The following KDM5A variants were observed in gnomAD, a reference collection of about 807,000 sequenced individuals.
KDM5A encodes the protein lysine demethylase 5A, also known as lysine-specific demethylase 5A.
In KDM5A, 42 loss-of-function variants were observed where a neutral mutation model predicts 193.5. The ratio of observed to expected loss-of-function variants is 0.22; its 90% CI spans 0.17 to 0.28. The LOEUF is 0.28. Among genes scored for constraint, KDM5A ranks in the 10% least tolerant of loss-of-function variants. The probability of loss-of-function intolerance (pLI) is 1.00; values close to 1 mark genes in which losing one functional copy is unlikely to be tolerated. For synonymous variants in KDM5A, 796 were observed against 718.1 expected (o/e 1.11, Z -1.73); for missense variants, 1,692 against 2,055.1 (o/e 0.82, Z 3.42).
At chr12:349,711 T>TC (rs1555135750) in intron 10 of KDM5A, among the ~76,000 whole-genome samples, 2 of 149,360 alleles carry the variant, frequency 1.3e-5, no homozygotes, top group African/African-American at 5.0e-5. Context: ...TTTTTTTTTT[T>TC]CCTTTTTTTT....
intron 13 of KDM5A, among the ~76,000 whole-genome samples, chr12:330,969 A>C (rs1351486224): frequency 1.3e-5 from 2 of 152,170 alleles, no homozygotes; most frequent in African/African-American, 4.8e-5. Context: ...CAGCCACTAA[A>C]TACTTTTTGA....
chr12:283,335 GTTAA>G lies in KDM5A; in HGVS notation c.*2117_*2120del, dbSNP rs752404572. 6.5e-5 allele frequency: 15 copies of G among 232,186 alleles called. No homozygotes were observed. Among genetic ancestry groups the G allele is most frequent in the Non-Finnish European group, 1.3e-4 (15 of 117,244 alleles). The allele number at this position is 232,186 out of a possible 1,614,324, so 14.4% of individuals were successfully genotyped here. A position where few individuals can be genotyped will look rare whatever the true frequency, so the allele number is the denominator to read the frequency against. On this transcript the variant is annotated 3_prime_UTR_variant, in exon 28 of 28. Transcript: ENST00000399788. ...GGCAAAACGAAAACTTATGAAATCA[GTTAA>G]TTAGTTACCTTGCAATATCCATTGA... is the stretch of plus-strand genomic sequence containing the variant.
intron 3 of KDM5A, among the ~76,000 whole-genome samples, chr12:370,182 C>A (rs748798095): frequency 6.6e-6 from 1 of 152,150 alleles, no homozygotes; most frequent in African/African-American, 2.4e-5. Flanking sequence ...CACCTGAGGT[C>A]GAGAGTTCGA....
chr12:351,872 G>A (rs1944164163), intron 9 of KDM5A, among the ~76,000 whole-genome samples: 1 of 152,018 alleles, frequency 6.6e-6, no homozygotes, highest in Admixed American at 6.6e-5. Flanking sequence ...GGGAGGCCGA[G>A]GCGAGTGGAT....
rs989737609 is a variant in KDM5A, at chr12:296,106, G to C, written c.4235-313C>G. On this transcript the variant is annotated intron_variant, in intron 25 of 27. Coordinates refer to ENST00000399788, the MANE Select transcript of KDM5A (RefSeq NM_001042603.3). Reference sequence around the variant, plus strand: ...GGCTGAGGCGGGTGGATCACCTGAGGTCAGGAGTTCGAAACCAGCCTGACC... The same window carrying C: ...GGCTGAGGCGGGTGGATCACCTGAGCTCAGGAGTTCGAAACCAGCCTGACC... 2.0e-5 allele frequency among the ~76,000 whole-genome samples: 3 copies of C among 151,988 alleles called. No homozygotes were observed. In the South Asian group the frequency reaches 6.2e-4, roughly 32 times the overall value.
Position 292,865 on chromosome 12 carries a change from T to C in KDM5A, c.4760A>G (p.Lys1587Arg), listed in dbSNP as rs1420917383. 6.2e-7 allele frequency: 1 copy of C among 1,614,106 alleles called. No homozygotes were observed. Among genetic ancestry groups the C allele is most frequent in the Admixed American group, 1.7e-5 (1 of 60,032 alleles). Residue 1587 changes from lysine to arginine, a missense_variant, in exon 27 of 28, where the codon AAG becomes AGG. Lys to Arg is a conservative substitution (Grantham distance 26, BLOSUM62 2). Around this residue, in one of 11 missense-constraint regions of KDM5A, gnomAD observed 965 missense variants for 1,061.0 expected, o/e 0.91. Coordinates refer to ENST00000399788, the MANE Select transcript of KDM5A (RefSeq NM_001042603.3). ...ATACTTTGAGGGGATGTCCAGCACC[T>C]TTTTCTCTCTTTTCTTTTCAGTGCT... is the stretch of plus-strand genomic sequence containing the variant. ...KESTEKKREK[K>R]VLDIPSKYDW... is the part of the protein sequence containing the mutation.
At chr12:325,974 A>T (rs1292471651) in intron 14 of KDM5A, among the ~76,000 whole-genome samples, 2 of 152,210 alleles carry the variant, frequency 1.3e-5, no homozygotes, top group East Asian at 1.9e-4. Context: ...AGATCGTGCA[A>T]CTGCACTCCA....
In KDM5A at chr12:350,655, T is replaced by C; in HGVS notation, c.1274A>G (p.Lys425Arg). Residue 425 changes from lysine to arginine, a missense_variant, in exon 10 of 28, where the codon AAG (lysine) becomes AGG (arginine). By Grantham distance (26) the Lys-to-Arg change is conservative. This residue lies in a region of KDM5A where 172 missense variants were observed against 260.3 expected (regional missense o/e 0.66). Transcript: ENST00000399788. The part of the protein sequence containing the change: ...SKDFGSGFPV[K>R]DGRRKILPEE... Reference sequence around the variant, plus strand: ...TGGCAGAATCTTTCTCCGCCCATCCTTCACCGGAAATCCACTTCCAAAGTC... The same window carrying C: ...TGGCAGAATCTTTCTCCGCCCATCCCTCACCGGAAATCCACTTCCAAAGTC... 1 of 1,614,120 alleles carries C rather than the reference T, an allele frequency of 6.2e-7. No homozygotes were observed. The highest frequency in any genetic ancestry group is 1.1e-5 in the South Asian group (1 of 91,086).
chr12:297,217 G>C lies in KDM5A; in HGVS notation c.4075-17C>G, dbSNP rs749749562. 2.5e-6 allele frequency: 4 copies of C among 1,613,274 alleles called. No individual in the cohort carries two copies. In the South Asian group the frequency reaches 4.4e-5, roughly 18 times the overall value. ...GGCTGTGTCCTGAAGAAGAAACAAA[G>C]AGAAGTATTCAGAATTAGAGTCATT... On this transcript the variant is annotated splice_polypyrimidine_tract_variant and intron_variant, in intron 24 of 27. Transcript: ENST00000399788.
At chr12:291,321 A>C (rs1016459573) in intron 27 of KDM5A, among the ~76,000 whole-genome samples, 1 of 152,202 alleles carries the variant, frequency 6.6e-6, no homozygotes, top group Non-Finnish European at 1.5e-5. Flanking sequence ...TACCCCTAAT[A>C]CATCTCATTT....
intron 3 of KDM5A, among the ~76,000 whole-genome samples, chr12:377,620 A>G (rs936075335): frequency 2.1e-4 from 32 of 152,248 alleles, no homozygotes; most frequent in African/African-American, 7.0e-4. Context: ...CTACCAAACT[A>G]CTAATAAAGT....
chr12:330,154 A>T (rs1175234883), intron 13 of KDM5A, among the ~76,000 whole-genome samples: 1 of 151,018 alleles, frequency 6.6e-6, no homozygotes, highest in Non-Finnish European at 1.5e-5. Context: ...TCATATCTTA[A>T]ATACGTACTC....
rs552974648 is a variant in KDM5A, at chr12:337,140, T to C, written c.1309-2718A>G. Among the ~76,000 whole-genome samples the C allele has an allele frequency of 1.1e-4, 16 of 152,318 alleles. No individual in the cohort carries two copies. The East Asian group carries it at 3.1e-3, about 29-fold the overall frequency. ...GTGGGGCAACTCCCGCTTCTCTCTCTTCCTCCTGCTCTGGCCATGTAAGAC... is the reference window on the plus strand; with the variant it reads ...GTGGGGCAACTCCCGCTTCTCTCTCCTCCTCCTGCTCTGGCCATGTAAGAC... On this transcript the variant is annotated intron_variant, in intron 10 of 27. Coordinates refer to ENST00000399788, the MANE Select transcript of KDM5A (RefSeq NM_001042603.3).
chr12:345,532 A>C (rs1944060886), intron 10 of KDM5A, among the ~76,000 whole-genome samples: 1 of 152,228 alleles, frequency 6.6e-6, no homozygotes, highest in Non-Finnish European at 1.5e-5. Context: ...ACTCCTCAGC[A>C]AATGAAAAAG....
At position 385,993 on chromosome 12, in the gene KDM5A, T is replaced by C; in HGVS notation, c.166-19A>G. On this transcript the variant is annotated intron_variant, in intron 1 of 27. Transcript: ENST00000399788. ...GCCAGTCCTAAATAGAAAGATTTTT[T>C]TAAAAAAACACAGTGGTATGTAAAC... 1 of 1,597,138 alleles carries C rather than the reference T, an allele frequency of 6.3e-7. No homozygotes were observed. Among genetic ancestry groups the C allele is most frequent in the Admixed American group, 1.7e-5 (1 of 59,990 alleles).
chr12:384,492 G>C (rs1308799697), intron 2 of KDM5A, among the ~76,000 whole-genome samples: 1 of 152,084 alleles, frequency 6.6e-6, no homozygotes, highest in Non-Finnish European at 1.5e-5. Context: ...ACCAGTCCTT[G>C]GTGCCAAAAA....
At position 284,108 on chromosome 12, in the gene KDM5A, G is replaced by GTAC. The variant is rs1943188206; in HGVS notation, c.*1345_*1347dup. The GTAC allele has an allele frequency of 4.3e-6, 1 of 231,508 alleles. No individual in the cohort carries two copies. Among genetic ancestry groups the GTAC allele is most frequent in the Non-Finnish European group, 8.5e-6 (1 of 117,074 alleles). The allele number at this position is 231,508 out of a possible 1,614,324, so 14.3% of individuals were successfully genotyped here. A position where few individuals can be genotyped will look rare whatever the true frequency, so the allele number is the denominator to read the frequency against. ...ATGGAGGAGGGAGTGCTAACTCCTT[G>GTAC]TACTACAAAGAAGGAATGGGATTTT... is the stretch of plus-strand genomic sequence containing the variant. On this transcript the variant is annotated 3_prime_UTR_variant, in exon 28 of 28. Transcript: ENST00000399788.
chr12:370,743 C>T (rs1944417523), intron 3 of KDM5A, among the ~76,000 whole-genome samples: 1 of 152,126 alleles, frequency 6.6e-6, no homozygotes, highest in African/African-American at 2.4e-5. Flanking sequence ...TTAGGTATAT[C>T]TCCTAATGCT....
chr12:374,981 C>T (rs909632515), intron 3 of KDM5A, among the ~76,000 whole-genome samples: 6 of 152,116 alleles, frequency 3.9e-5, no homozygotes, highest in African/African-American at 4.8e-5. Flanking sequence ...GTGGGTAACC[C>T]GATCTTTCTC....
Sources: allele counts gnomAD v4.1 joint callset (sites outside exome capture counted in the v4.1 genomes callset), GRCh38; gene constraint gnomAD v4.1.1; regional missense constraint gnomAD v4.1.1; transcripts MANE v1.5; gene names NCBI Gene and HGNC (gene_info 2026-07-23, HGNC 2026-07-21).